The following XYLT1 variants were observed in gnomAD, a reference collection of about 807,000 sequenced individuals.
The protein encoded by XYLT1 is beta-D-xylosyltransferase 1.
Under a neutral mutation model 91.3 loss-of-function variants are expected in XYLT1, and 36 were observed. The ratio of observed to expected loss-of-function variants is 0.39; its 90% CI spans 0.30 to 0.52. The LOEUF (loss-of-function observed/expected upper bound fraction) is 0.52, where lower values mean the gene tolerates loss of function less well. Among genes scored for constraint, XYLT1 ranks in the 20% least tolerant of loss-of-function variants. XYLT1 has a pLI of 0.68. For missense variants in XYLT1, 1,242 were observed against 1,284.5 expected (o/e 0.97, Z 0.51); for synonymous variants, 588 against 532.0 (o/e 1.11, Z -1.45).
At chr16:17,375,276 A>C (rs371034748) in intron 1 of XYLT1, among the ~76,000 whole-genome samples, 1 of 152,114 alleles carries the variant, frequency 6.6e-6, no homozygotes, top group African/African-American at 2.4e-5. Flanking sequence ...TGAAGTACAT[A>C]CTATTCTGGG....
chr16:17,412,337 A>G (rs1428803894), intron 1 of XYLT1, among the ~76,000 whole-genome samples: 1 of 151,832 alleles, frequency 6.6e-6, no homozygotes, highest in Non-Finnish European at 1.5e-5. Flanking sequence ...ACACAGCACC[A>G]GGTCCACGTG....
At chr16:17,134,149 G>A (rs980158416) in intron 9 of XYLT1, among the ~76,000 whole-genome samples, 1 of 152,096 alleles carries the variant, frequency 6.6e-6, no homozygotes, top group Non-Finnish European at 1.5e-5. Flanking sequence ...AAAAAGTTTT[G>A]TACCTTCCAC....
At chr16:17,120,405 T>A (rs1357493264) in intron 10 of XYLT1, among the ~76,000 whole-genome samples, 1 of 152,040 alleles carries the variant, frequency 6.6e-6, no homozygotes, top group African/African-American at 2.4e-5. Context: ...TTCCACTTGC[T>A]CCTTGCTCCA....
intron 2 of XYLT1, among the ~76,000 whole-genome samples, chr16:17,268,928 C>T (rs1244719563): frequency 6.6e-6 from 1 of 152,090 alleles, no homozygotes; most frequent in African/African-American, 2.4e-5. Flanking sequence ...CTGCCTTGGC[C>T]TCCCAAAGTG....
intron 1 of XYLT1, among the ~76,000 whole-genome samples, chr16:17,392,824 G>A (rs2035836831): frequency 6.6e-6 from 1 of 151,920 alleles, no homozygotes; most frequent in African/African-American, 2.4e-5. Context: ...CCCACCCTAA[G>A]ACAAATGTAT....
Position 17,316,652 on chromosome 16 carries a change from C to T in XYLT1, c.402+41360G>A, listed in dbSNP as rs563546839. Among the ~76,000 whole-genome samples the T allele has an allele frequency of 3.3e-5, 5 of 152,164 alleles. No individual in the cohort carries two copies. The South Asian group carries it at 1.0e-3, about 32-fold the overall frequency. ...CCTCAAGTGATCCTCCTGCCTCAGC[C>T]TCCCAAAGTGCTGGGATTACAGGCG... On this transcript the variant is annotated intron_variant, in intron 2 of 11. Transcript: ENST00000261381.
intron 2 of XYLT1, among the ~76,000 whole-genome samples, chr16:17,277,593 T>C (rs909284221): frequency 1.3e-5 from 2 of 152,126 alleles, no homozygotes; most frequent in African/African-American, 4.8e-5. Flanking sequence ...TTTCACCATG[T>C]AGGCCAGGCT....
rs2032519080 is a variant in XYLT1, at chr16:17,200,497, G to A, written c.1071C>T (p.Tyr357=). Residue 357 remains tyrosine, a synonymous_variant, in exon 4 of 12, where the codon TAC becomes TAT. Coordinates refer to ENST00000261381, the MANE Select transcript of XYLT1 (RefSeq NM_022166.4). ...KAIYHKDHFY[Y]IHVDKRSNYL... Reference sequence around the variant, plus strand: ...GGCCTCTCACCTTGTCCACGTGGATGTAGTAGAAGTGGTCTTTGTGGTAGA... The same window carrying A: ...GGCCTCTCACCTTGTCCACGTGGATATAGTAGAAGTGGTCTTTGTGGTAGA... 2 of 1,613,626 alleles carry A rather than the reference G, an allele frequency of 1.2e-6. No individual in the cohort carries two copies. Among genetic ancestry groups the A allele is most frequent in the Non-Finnish European group, 1.7e-6 (2 of 1,179,506 alleles).
intron 2 of XYLT1, among the ~76,000 whole-genome samples, chr16:17,318,672 T>C (rs1243531075): frequency 6.6e-6 from 1 of 152,162 alleles, no homozygotes; most frequent in Non-Finnish European, 1.5e-5. Context: ...TACAGATGTA[T>C]ATAATGAACT....
At chr16:17,342,136 C>T (rs2035070886) in intron 2 of XYLT1, among the ~76,000 whole-genome samples, 1 of 152,212 alleles carries the variant, frequency 6.6e-6, no homozygotes, top group Admixed American at 6.5e-5. Context: ...GCTTCACCTC[C>T]ACCGCCCCTC....
At chr16:17,226,826 GA>G (rs200428235) in intron 3 of XYLT1, among the ~76,000 whole-genome samples, 17 of 151,064 alleles carry the variant, frequency 1.1e-4, no homozygotes, top group East Asian at 3.9e-4. Flanking sequence ...AATGTCCCTG[GA>G]AAAAAAAATA....
chr16:17,232,735 ATAG>A (rs1567334212), intron 3 of XYLT1, among the ~76,000 whole-genome samples: 1 of 151,606 alleles, frequency 6.6e-6, no homozygotes, highest in African/African-American at 2.4e-5. Flanking sequence ...GGTAGAGGTG[ATAG>A]TGGTGTTGGC....
chr16:17,166,323 C>G (rs911282628), intron 5 of XYLT1, among the ~76,000 whole-genome samples: 1 of 152,140 alleles, frequency 6.6e-6, no homozygotes, highest in African/African-American at 2.4e-5. Context: ...TGGCTGTAGT[C>G]CTGGGATGAG....
chr16:17,212,952 T>C (rs2032788297), intron 3 of XYLT1, among the ~76,000 whole-genome samples: 1 of 152,184 alleles, frequency 6.6e-6, no homozygotes, highest in Admixed American at 6.5e-5. Context: ...GAAAGAGCTA[T>C]TATGATAATA....
chr16:17,155,563 T>C (rs978515101), intron 6 of XYLT1, among the ~76,000 whole-genome samples: 2 of 152,180 alleles, frequency 1.3e-5, no homozygotes, highest in Non-Finnish European at 2.9e-5. Context: ...GGAGGGACCA[T>C]GGATGATGGG....
chr16:17,294,802 G>C (rs1229232079), intron 2 of XYLT1, among the ~76,000 whole-genome samples: 1 of 152,130 alleles, frequency 6.6e-6, no homozygotes, highest in Non-Finnish European at 1.5e-5. Flanking sequence ...GTCGTTTGGG[G>C]CAGGTACAAG....
At chr16:17,195,035 G>A (rs1286340060) in intron 5 of XYLT1, among the ~76,000 whole-genome samples, 3 of 152,142 alleles carry the variant, frequency 2.0e-5, no homozygotes, top group African/African-American at 7.2e-5. Context: ...TTGTTTCTGT[G>A]CTACATTGTG....
intron 6 of XYLT1, among the ~76,000 whole-genome samples, chr16:17,141,631 G>A (rs1045488352): frequency 2.0e-5 from 3 of 152,070 alleles, no homozygotes; most frequent in Non-Finnish European, 2.9e-5. Context: ...GAGAGCCCAG[G>A]GGACTTACCC....
chr16:17,272,356 G>A (rs1414709965), intron 2 of XYLT1, among the ~76,000 whole-genome samples: 1 of 151,756 alleles, frequency 6.6e-6, no homozygotes, highest in Non-Finnish European at 1.5e-5. Flanking sequence ...TAGAGACGCG[G>A]TTTCACCATG....
Sources: gnomAD v4.1 joint callset for allele counts (sites outside exome capture counted in the v4.1 genomes callset) on GRCh38, gnomAD v4.1.1 for gene constraint, MANE v1.5 for transcripts, NCBI Gene and HGNC (gene_info 2026-07-23, HGNC 2026-07-21) for gene names.